SLCO4A1: variants seen among roughly 807,000 people sequenced by gnomAD.
The protein encoded by SLCO4A1 is solute carrier organic anion transporter family member 4A1, also known as colon organic anion transporter.
Under a neutral mutation model 64.6 loss-of-function variants are expected in SLCO4A1, and 51 were observed. The ratio of observed to expected loss-of-function variants is 0.79; its 90% confidence interval spans 0.63 to 1.00. The LOEUF (loss-of-function observed/expected upper bound fraction) is 1.00, where lower values mean the gene tolerates loss of function less well. Ranked by LOEUF, SLCO4A1 falls within the 50% of genes least tolerant of loss-of-function variation. The probability of loss-of-function intolerance (pLI) is 0.00; values close to 1 mark genes in which losing one functional copy is unlikely to be tolerated. For synonymous variants in SLCO4A1, 471 were observed against 444.9 expected (o/e 1.06, Z -0.74); for missense variants, 919 against 980.5 (o/e 0.94, Z 0.84).
chr20:62,677,945 G>GC (rs1417008088), intron 2 of SLCO4A1, among the ~76,000 whole-genome samples: 1 of 152,260 alleles, frequency 6.6e-6, no homozygotes, highest in Non-Finnish European at 1.5e-5. Flanking sequence ...GAGGGAATCA[G>GC]CCCTTCCCAC....
intron 4 of SLCO4A1, among the ~76,000 whole-genome samples, 172 bp from the exon 5 acceptor site, chr20:62,660,892 G>A (rs374141108): frequency 2.6e-5 from 4 of 152,020 alleles, no homozygotes; most frequent in African/African-American, 4.8e-5. Context: ...GCATTCTCAC[G>A]TGGTTTCTGT....
intron 2 of SLCO4A1, among the ~76,000 whole-genome samples, chr20:62,684,392 G>A (rs530351949): frequency 2.0e-5 from 3 of 152,322 alleles, no homozygotes; most frequent in Non-Finnish European, 2.9e-5. Context: ...TGAGGAAACC[G>A]AGGCACAAGG....
At chr20:62,688,461 GCA>G (rs1174376802), downstream of SLCO4A1, among the ~76,000 whole-genome samples, 2 of 152,164 alleles carry the variant, frequency 1.3e-5, no homozygotes, top group Non-Finnish European at 2.9e-5. Context: ...AGGTTCTTAA[GCA>G]AAAGCTCAGT....
At chr20:62,670,567 A>C (rs1987074130) in intron 11 of SLCO4A1, among the ~76,000 whole-genome samples, 1 of 152,142 alleles carries the variant, frequency 6.6e-6, no homozygotes, top group African/African-American at 2.4e-5. Context: ...CCTTAGACTC[A>C]CGCGTCCACA....
chr20:62,688,882 G>T (rs548701642), downstream of SLCO4A1, among the ~76,000 whole-genome samples: 1 of 152,198 alleles, frequency 6.6e-6, no homozygotes, highest in Non-Finnish European at 1.5e-5. Context: ...AACATTTTCC[G>T]AGAAGCCCTT....
At chr20:62,658,443 A>T (rs1454778987) in intron 2 of SLCO4A1, among the ~76,000 whole-genome samples, 2 of 152,220 alleles carry the variant, frequency 1.3e-5, no homozygotes, top group Non-Finnish European at 2.9e-5. Context: ...GCCCTTTCGT[A>T]AGGGAAAGAC....
rs976410638 is a variant in SLCO4A1 at position 62,656,464 on chromosome 20, C to T, written c.10C>T (p.His4Tyr). MPL[H>Y]QLGDKPLTFP... ...AGGCGGAGGCGCGGAGATGCCCCTG[C>T]ATCAGCTGGGGGACAAGCCGCTCAC... Residue 4 changes from histidine to tyrosine, a missense_variant, in exon 2 of 12, where the codon CAT becomes TAT. Transcript: ENST00000217159. 7.4e-6 allele frequency: 11 copies of T among 1,487,818 alleles called. No homozygotes were observed. In the African/African-American group the frequency reaches 1.4e-4, roughly 19 times the overall value. 92.2% of individuals were successfully genotyped at this position (1,487,818 alleles called of 1,614,324 possible).
chr20:62,675,236 G>A (rs1987533488), downstream of SLCO4A1, among the ~76,000 whole-genome samples: 1 of 152,188 alleles, frequency 6.6e-6, no homozygotes, highest in African/African-American at 2.4e-5. Context: ...CTGCTCATCG[G>A]CATTGCAAGG....
At chr20:62,648,001 C>T (rs1347480337) in intron 1 of SLCO4A1, among the ~76,000 whole-genome samples, 2 of 152,246 alleles carry the variant, frequency 1.3e-5, no homozygotes, top group Non-Finnish European at 2.9e-5. Context: ...ATGGCCTCCT[C>T]CTAAAATAGC....
chr20:62,653,941 A>G (rs1983130942), intron 1 of SLCO4A1, among the ~76,000 whole-genome samples: 1 of 151,952 alleles, frequency 6.6e-6, no homozygotes, highest in Non-Finnish European at 1.5e-5. Flanking sequence ...CCTAATGTAA[A>G]TGATGAGTTA....
rs1459522528 is a variant in SLCO4A1, at chr20:62,656,835, C to G, written c.381C>G (p.Val127=). 6.2e-7 allele frequency: 1 copy of G among 1,611,764 alleles called. No individual in the cohort carries two copies. The highest frequency in any genetic ancestry group is 8.5e-7 in the Non-Finnish European group (1 of 1,179,142). ...GMTVNGFINT[V]ITSLERRYDL... is the part of the protein sequence containing the mutation. ...CTGTGAATGGCTTCATCAACACAGTCATCACCTCCCTGGAGCGCCGCTATG... is the reference window on the plus strand; with the variant it reads ...CTGTGAATGGCTTCATCAACACAGTGATCACCTCCCTGGAGCGCCGCTATG... The change falls in exon 2 of 12, where the codon GTC becomes GTG. Residue 127 remains valine (V), a synonymous_variant. Coordinates refer to ENST00000217159, the MANE Select transcript of SLCO4A1 (RefSeq NM_016354.4).
At chr20:62,681,466 AC>A (rs1391907063) in intron 2 of SLCO4A1, among the ~76,000 whole-genome samples, 1 of 67,114 alleles carries the variant, frequency 1.5e-5, no homozygotes, top group Non-Finnish European at 2.9e-5. Flanking sequence ...GTGTGTACAC[AC>A]TCGTGTGTGT....
At chr20:62,657,801 G>T (rs373847140) in intron 2 of SLCO4A1, among the ~76,000 whole-genome samples, 138 of 152,340 alleles carry the variant, frequency 9.1e-4, no homozygotes, top group African/African-American at 3.2e-3. Context: ...GCCACATAGG[G>T]GTGTGGAAAA....
chr20:62,686,339 A>G (rs1269370072), downstream of SLCO4A1, among the ~76,000 whole-genome samples: 1 of 152,238 alleles, frequency 6.6e-6, no homozygotes, highest in Non-Finnish European at 1.5e-5. Context: ...TGAGGACAAC[A>G]GTCAACCGCA....
intron 2 of SLCO4A1, among the ~76,000 whole-genome samples, chr20:62,681,493 C>T (rs920269603): frequency 7.3e-6 from 1 of 137,790 alleles, no homozygotes; most frequent in African/African-American, 2.8e-5. Context: ...GCTGTGTGTA[C>T]ACACTCATGT....
In SLCO4A1 at chr20:62,671,639, C is replaced by T. The variant is rs573718623; in HGVS notation, c.2026-111C>T. On this transcript the variant is annotated intron_variant, in intron 11 of 11. Transcript: ENST00000217159. ...CAGAGCAGGATGGGTTTCCGTGGAC[C>T]TGGTGAGGGTGCTGCAGGCTGGGGC... 2.4e-5 allele frequency: 23 copies of T among 973,876 alleles called. No individual in the cohort carries two copies. The African/African-American group carries it at 3.7e-4, about 16-fold the overall frequency. The allele number at this position is 973,876 out of a possible 1,614,324, so 60.3% of individuals were successfully genotyped here.
chr20:62,672,220 T>A lies in SLCO4A1; in HGVS notation c.*327T>A. On this transcript the variant is annotated 3_prime_UTR_variant, in exon 12 of 12. Transcript: ENST00000217159. ...AATCCCACTGGGAGGGCGGTGGGCC[T>A]GCAGCCTGAGGAAGGCTTGTGTGTC... The A allele has an allele frequency of 7.9e-7, 1 of 1,268,400 alleles. No homozygotes were observed. 78.6% of individuals were successfully genotyped at this position (1,268,400 alleles called of 1,614,324 possible).
At chr20:62,682,999 C>A (rs918159074) in intron 2 of SLCO4A1, among the ~76,000 whole-genome samples, 1 of 152,248 alleles carries the variant, frequency 6.6e-6, no homozygotes, top group African/African-American at 2.4e-5. Flanking sequence ...GACCCTGAAG[C>A]TGCGCAGGCT....
At chr20:62,680,711 C>G (rs1171055267) in intron 2 of SLCO4A1, among the ~76,000 whole-genome samples, 1 of 152,088 alleles carries the variant, frequency 6.6e-6, no homozygotes, top group African/African-American at 2.4e-5. Context: ...CTGCCCCCCA[C>G]CCCCTGGGAT....
Sources: gnomAD v4.1 joint callset for allele counts (sites outside exome capture counted in the v4.1 genomes callset) on GRCh38, gnomAD v4.1.1 for gene constraint, MANE v1.5 for transcripts, NCBI Gene and HGNC (gene_info 2026-07-23, HGNC 2026-07-21) for gene names.